KALRN: variants seen among roughly 807,000 people sequenced by gnomAD.
KALRN encodes kalirin.
In KALRN, 70 loss-of-function variants were observed where a neutral mutation model predicts 353.7. The observed-to-expected ratio is 0.20, with a 90% CI of 0.16 to 0.24. KALRN has a LOEUF of 0.24. Among genes scored for constraint, KALRN ranks in the 10% least tolerant of loss-of-function variants. KALRN has a pLI of 1.00. For missense variants in KALRN, 2,791 were observed against 3,756.7 expected (o/e 0.74, Z 6.72); for synonymous variants, 1,391 against 1,434.8 (o/e 0.97, Z 0.69).
chr3:124,419,797 G>T (rs1015164331), intron 14 of KALRN, among the ~76,000 whole-genome samples: 1 of 152,174 alleles, frequency 6.6e-6, no homozygotes, highest in African/African-American at 2.4e-5. Flanking sequence ...CCTGACAAAT[G>T]ATTTCCTCAC....
At chr3:124,203,130 T>C (rs1184810749) in intron 1 of KALRN, among the ~76,000 whole-genome samples, 1 of 152,208 alleles carries the variant, frequency 6.6e-6, no homozygotes, top group Non-Finnish European at 1.5e-5. Flanking sequence ...GATCATTTGT[T>C]TCCCAGAAAC....
intron 35 of KALRN, among the ~76,000 whole-genome samples, chr3:124,633,541 A>T (rs560916375): frequency 3.3e-5 from 5 of 152,336 alleles, no homozygotes; most frequent in African/African-American, 1.2e-4. Flanking sequence ...AGCCCTACAA[A>T]AATGTAAAAG....
At chr3:124,131,878 G>T (rs929442637) in intron 1 of KALRN, among the ~76,000 whole-genome samples, 1 of 152,138 alleles carries the variant, frequency 6.6e-6, no homozygotes, top group Non-Finnish European at 1.5e-5. Flanking sequence ...CAATCTGTTC[G>T]CTTCCCTGGA....
intron 27 of KALRN, among the ~76,000 whole-genome samples, chr3:124,479,017 T>C (rs1312216998): frequency 6.6e-6 from 1 of 152,242 alleles, no homozygotes; most frequent in Non-Finnish European, 1.5e-5. Flanking sequence ...TGTATCTTTG[T>C]TATAGCATTT....
At chr3:124,275,293 C>T (rs1177070523) in intron 5 of KALRN, among the ~76,000 whole-genome samples, 2 of 152,308 alleles carry the variant, frequency 1.3e-5, no homozygotes, top group Non-Finnish European at 2.9e-5. Flanking sequence ...TCTCTTCCTT[C>T]CTCTTCCTTT....
In KALRN at chr3:124,589,717, T is replaced by C. The variant is rs187949821; in HGVS notation, c.5182+26628T>C. On this transcript the variant is annotated intron_variant, in intron 34 of 59. Transcript: ENST00000682506. ...ACCATGATGGAAACTGAATTGATTA[T>C]TTAGCATATACAGTTGTCCCTCAGT... is the stretch of plus-strand genomic sequence containing the variant. Among the ~76,000 whole-genome samples, 204 of 152,366 alleles carry C rather than the reference T, an allele frequency of 1.3e-3. 1 individual carries two copies. The highest frequency in any genetic ancestry group is 2.1e-3 in the Non-Finnish European group (146 of 68,028).
chr3:124,192,437 TAGAA>T (rs1258373572), intron 1 of KALRN, among the ~76,000 whole-genome samples: 1 of 152,064 alleles, frequency 6.6e-6, no homozygotes, highest in East Asian at 1.9e-4. Context: ...TACAAAAAAT[TAGAA>T]TGAATAACAA....
chr3:124,642,865 G>C (rs1024107057), intron 37 of KALRN, among the ~76,000 whole-genome samples: 16 of 122,090 alleles, frequency 1.3e-4, no homozygotes, highest in Non-Finnish European at 1.9e-4. Context: ...TGCCGAGGCT[G>C]GAGTGCAATG....
At chr3:124,212,700 G>T (rs571800959) in intron 1 of KALRN, among the ~76,000 whole-genome samples, 1 of 152,198 alleles carries the variant, frequency 6.6e-6, no homozygotes, top group African/African-American at 2.4e-5. Flanking sequence ...TTTCTGAAAA[G>T]GTTGAAGCAA....
chr3:124,211,695 C>T (rs1444757), intron 1 of KALRN, among the ~76,000 whole-genome samples: 77,645 of 151,954 alleles, frequency 0.51, 22,431 homozygotes, highest in Non-Finnish European at 0.65. Flanking sequence ...GAGTCTTCAT[C>T]GCTGCATGAT....
chr3:124,448,677 C>G (rs1023270654), intron 21 of KALRN, among the ~76,000 whole-genome samples: 16 of 152,090 alleles, frequency 1.1e-4, no homozygotes, highest in African/African-American at 3.6e-4. Context: ...AGGATATGAT[C>G]CAGCTCATCC....
rs112874463 is a variant in KALRN, at chr3:124,177,862, C to T, written c.74-50128C>T. On this transcript the variant is annotated intron_variant, in intron 1 of 59. Coordinates refer to ENST00000682506, the MANE Select transcript of KALRN (RefSeq NM_001388419.1). ...GTTTTCCCAGTTTCCTAAGCCCCAT[C>T]TCTTGGAAATCAGCCCCAATCTAAT... Among the ~76,000 whole-genome samples, 1,314 of 152,306 alleles carry T rather than the reference C, an allele frequency of 8.6e-3. 13 individuals carry two copies. Among genetic ancestry groups the T allele is most frequent in the Middle Eastern group, 0.017 (5 of 294 alleles).
At chr3:124,549,931 G>A (rs891535194) in intron 33 of KALRN, among the ~76,000 whole-genome samples, 9 of 152,126 alleles carry the variant, frequency 5.9e-5, no homozygotes, top group African/African-American at 2.2e-4. Context: ...AGTAGTGGAA[G>A]CTGGGGTTGA....
At chr3:124,637,022 A>C in intron 36 of KALRN, 186 bp from the exon 37 acceptor site, 1 of 592,676 alleles carries the variant, frequency 1.7e-6, no homozygotes, top group Non-Finnish European at 3.1e-6. Context: ...AGAATTCCTA[A>C]TAAGGGGTTG....
chr3:124,651,049 C>T, intron 38 of KALRN, 111 bp downstream of exon 38: 1 of 1,314,422 alleles, frequency 7.6e-7, no homozygotes, highest in Admixed American at 2.0e-5. Flanking sequence ...CCACTGACAT[C>T]TTTCATTCTA....
intron 27 of KALRN, among the ~76,000 whole-genome samples, chr3:124,480,263 C>G (rs1488275981): frequency 1.3e-5 from 2 of 152,202 alleles, no homozygotes; most frequent in Admixed American, 6.5e-5. Context: ...CCATCATCCT[C>G]AAACAAGTCT....
intron 1 of KALRN, among the ~76,000 whole-genome samples, chr3:124,166,997 A>G (rs1293251790): frequency 6.6e-6 from 1 of 152,198 alleles, no homozygotes; most frequent in Non-Finnish European, 1.5e-5. Context: ...GTGAGCCACG[A>G]TCACACCACT....
chr3:124,083,229 G>A (rs1218600740), intron 1 of KALRN, among the ~76,000 whole-genome samples: 4 of 152,204 alleles, frequency 2.6e-5, no homozygotes, highest in African/African-American at 9.6e-5. Context: ...TGACTTCTGT[G>A]TGCCAGGCGC....
At chr3:124,522,819 G>A (rs926324188) in intron 33 of KALRN, among the ~76,000 whole-genome samples, 20 of 152,286 alleles carry the variant, frequency 1.3e-4, no homozygotes, top group African/African-American at 4.6e-4. Flanking sequence ...CATTCATTAG[G>A]ATGCATGGAT....
Sources: allele counts gnomAD v4.1 joint callset (sites outside exome capture counted in the v4.1 genomes callset), GRCh38; gene constraint gnomAD v4.1.1; transcripts MANE v1.5; gene names NCBI Gene and HGNC (gene_info 2026-07-23, HGNC 2026-07-21).